The following FHL1 variants were observed in gnomAD, a reference collection of about 807,000 sequenced individuals.
FHL1 encodes the protein four and a half LIM domains protein 1.
A neutral mutation model predicts 20.3 loss-of-function variants in FHL1; 1 was observed. The observed-to-expected ratio is 0.05, with a 90% CI of 0.02 to 0.23. The LOEUF is 0.23. Ranked by LOEUF, FHL1 falls within the 10% of genes least tolerant of loss-of-function variation. FHL1 has a pLI of 1.00. For missense variants in FHL1, 177 were observed against 234.0 expected, an observed-to-expected ratio of 0.76 and a Z score of 1.59; for synonymous variants, 82 against 88.9, an observed-to-expected ratio of 0.92 and a Z score of 0.44.
chrX:136,169,882 A>G (rs1042631118), intron 1 of FHL1: 9 of 329,289 alleles, frequency 2.7e-5, no homozygotes, highest in Non-Finnish European at 3.5e-5. Context: ...TTGCCTCTTG[A>G]TTCTCATTTT....
intron 2 of FHL1, among the ~76,000 whole-genome samples, chrX:136,175,259 T>C (rs1385311237): frequency 1.8e-5 from 2 of 112,509 alleles, no homozygotes; most frequent in African/African-American, 3.2e-5. Context: ...ATAAGCATAT[T>C]TGAACGTCAG....
At chrX:136,187,642 A>G (rs2073340607) in intron 2 of FHL1, among the ~76,000 whole-genome samples, 1 of 110,447 alleles carries the variant, frequency 9.1e-6, no homozygotes, top group African/African-American at 3.3e-5. Flanking sequence ...GTATGATTCC[A>G]TTGCCAGAAG....
chrX:136,182,010 A>T (rs1392009997), intron 2 of FHL1, among the ~76,000 whole-genome samples: 2 of 112,373 alleles, frequency 1.8e-5, no homozygotes, highest in Non-Finnish European at 3.7e-5. Flanking sequence ...GCTGTTAAAG[A>T]AGGTATAAAA....
At chrX:136,202,469 C>A (rs2073738141) in intron 1 of FHL1, among the ~76,000 whole-genome samples, 1 of 111,751 alleles carries the variant, frequency 8.9e-6, no homozygotes, top group African/African-American at 3.3e-5. Flanking sequence ...ATGCCTGTAA[C>A]CCCTGTAATC....
At chrX:136,204,217 AT>A (rs775565086) in intron 1 of FHL1, among the ~76,000 whole-genome samples, 5 of 112,523 alleles carry the variant, frequency 4.4e-5, no homozygotes, top group Non-Finnish European at 9.4e-5. Flanking sequence ...GTTACTGGAG[AT>A]TTATTTGGTT....
intron 1 of FHL1, among the ~76,000 whole-genome samples, chrX:136,151,486 C>T (rs893960510): frequency 8.9e-6 from 1 of 112,008 alleles, no homozygotes; most frequent in African/African-American, 3.2e-5. Flanking sequence ...CTGAGGCAAG[C>T]GGATCACTTG....
At chrX:136,168,051 A>G (rs1254936972), upstream of FHL1, 1 of 112,658 alleles carries the variant, frequency 8.9e-6, no homozygotes, top group African/African-American at 3.2e-5. Context: ...TATGTATTTA[A>G]CATTCAATGG....
At chrX:136,209,768 T>A in intron 5 of FHL1, 103 bp from the exon 6 acceptor site, 1 of 961,486 alleles carries the variant, frequency 1.0e-6, no homozygotes, top group East Asian at 3.3e-5. Flanking sequence ...GGTCTGTGAG[T>A]GGGGCAGGTC....
chrX:136,184,987 T>G (rs1007898628), intron 2 of FHL1, among the ~76,000 whole-genome samples: 1 of 112,062 alleles, frequency 8.9e-6, no homozygotes, highest in Non-Finnish European at 1.9e-5. Flanking sequence ...TTGAGATTTT[T>G]GATTCTAAGT....
intron 5 of FHL1, among the ~76,000 whole-genome samples, chrX:136,208,873 A>G (rs1490454170): frequency 2.0e-5 from 2 of 102,557 alleles, no homozygotes; most frequent in Admixed American, 2.1e-4. Context: ...AGAGTTCACA[A>G]GCCTGAGACC....
upstream of FHL1, among the ~76,000 whole-genome samples, chrX:136,193,439 G>A (rs1038233414): frequency 1.8e-5 from 2 of 112,064 alleles, no homozygotes; most frequent in African/African-American, 6.5e-5. Flanking sequence ...TCCCACAAAC[G>A]TGATTCTACT....
At chrX:136,201,011 A>C (rs1469681401) in intron 1 of FHL1, among the ~76,000 whole-genome samples, 1 of 110,983 alleles carries the variant, frequency 9.0e-6, no homozygotes, top group East Asian at 2.8e-4. Flanking sequence ...TAAAAATACA[A>C]AAATTAGCCA....
chrX:136,184,376 C>T (rs892319869), intron 2 of FHL1, among the ~76,000 whole-genome samples: 4 of 111,404 alleles, frequency 3.6e-5, no homozygotes, highest in African/African-American at 9.8e-5. Context: ...AAAAATACCC[C>T]GTACAAATAT....
intron 5 of FHL1, chrX:136,209,527 G>C: frequency 1.0e-6 from 1 of 989,336 alleles, no homozygotes; most frequent in Non-Finnish European, 1.4e-6. Flanking sequence ...CAAAGAAACT[G>C]GTTATGCTGG....
chrX:136,190,911 A>T (rs2073417496), intron 2 of FHL1, among the ~76,000 whole-genome samples: 1 of 111,338 alleles, frequency 9.0e-6, no homozygotes, highest in African/African-American at 3.3e-5. Flanking sequence ...GTGGTATCTA[A>T]GACCATTTCC....
At chrX:136,153,765 G>A (rs950309586) in intron 1 of FHL1, among the ~76,000 whole-genome samples, 5 of 111,826 alleles carry the variant, frequency 4.5e-5, no homozygotes, top group African/African-American at 1.6e-4. Context: ...TAAAAATGGA[G>A]TACTTTCTAA....
At chrX:136,209,689 G>A (rs1458366759) in intron 5 of FHL1, among the ~76,000 whole-genome samples, 182 bp from the exon 6 acceptor site, 3 of 109,942 alleles carry the variant, frequency 2.7e-5, no homozygotes, top group Non-Finnish European at 5.7e-5. Flanking sequence ...GGCGGCGTGG[G>A]GGACTGTGCA....
At chrX:136,171,273 T>C (rs1393656949) in intron 2 of FHL1, among the ~76,000 whole-genome samples, 1 of 111,237 alleles carries the variant, frequency 9.0e-6, no homozygotes, top group Non-Finnish European at 1.9e-5. Flanking sequence ...GATAGAAACC[T>C]ATCTTCAAAA....
chrX:136,176,483 T>A (rs2073005657), intron 2 of FHL1, among the ~76,000 whole-genome samples: 1 of 111,895 alleles, frequency 8.9e-6, no homozygotes, highest in African/African-American at 3.2e-5. Flanking sequence ...ATTTTCCCCA[T>A]ATGTCATTGC....
Sources: allele counts gnomAD v4.1 joint callset (sites outside exome capture counted in the v4.1 genomes callset), GRCh38; gene constraint gnomAD v4.1.1; transcripts MANE v1.5; gene names NCBI Gene and HGNC (gene_info 2026-07-23, HGNC 2026-07-21).